The following VSIG10L variants were observed in gnomAD, a reference collection of about 807,000 sequenced individuals.
VSIG10L encodes the protein V-set and immunoglobulin domain-containing protein 10-like.
A neutral mutation model predicts 67.3 loss-of-function variants in VSIG10L; 63 were observed. The ratio of observed to expected loss-of-function variants is 0.94; its 90% confidence interval spans 0.76 to 1.15. The LOEUF is 1.15. VSIG10L is among the 50% of genes most tolerant of loss of function. The pLI, the probability that VSIG10L is intolerant of heterozygous loss-of-function variation, is 0.00. For missense variants in VSIG10L, 1,050 were observed against 1,177.5 expected (o/e 0.89, Z 1.58); for synonymous variants, 499 against 524.9 (o/e 0.95, Z 0.67).
Position 51,337,291 on chromosome 19 carries a change from G to A in VSIG10L, c.2252C>T (p.Pro751Leu), listed in dbSNP as rs1216079107. ...AGTCCCTGGCTGGCCCCCCAGGATG[G>A]GCAGGATCCGAAAGGTCCAGGTCCC... ...NPGTWTFRIL[P>L]ILGGQPGTPS... Residue 751 changes from proline (P) to leucine (L), a missense_variant, in exon 7 of 10, where the codon CCC (proline) becomes CTC (leucine). Pro to Leu is a moderately conservative substitution (Grantham distance 98, BLOSUM62 -3). Transcript: ENST00000335624. 4 of 1,551,196 alleles carry A rather than the reference G, an allele frequency of 2.6e-6. No homozygotes were observed. The highest frequency in any genetic ancestry group is 8.7e-7 in the Non-Finnish European group (1 of 1,146,798).
intron 4 of VSIG10L, chr19:51,339,516 C>T (rs1985571219): frequency 4.0e-6 from 1 of 251,378 alleles, no homozygotes; most frequent in African/African-American, 2.2e-5. Context: ...TTGTGGACCC[C>T]TTCCCCTTTC....
Position 51,331,662 on chromosome 19 carries a change from A to G in VSIG10L, c.*949T>C, listed in dbSNP as rs1239350077. 6.6e-6 allele frequency: 1 copy of G among 152,240 alleles called. No individual in the cohort carries two copies. The highest frequency in any genetic ancestry group is 2.4e-5 in the African/African-American group (1 of 41,456). 9.4% of individuals were successfully genotyped at this position (152,240 alleles called of 1,614,324 possible). A position where few individuals can be genotyped will look rare whatever the true frequency, so the allele number is the denominator to read the frequency against. On this transcript the variant is annotated 3_prime_UTR_variant, in exon 10 of 10. Transcript: ENST00000335624. ...ACTTACGCTGAAGACAGCAGCAGCA[A>G]GCCCAACTCTTCACTGGCACCAAAA... is the stretch of plus-strand genomic sequence containing the variant.
chr19:51,339,395 G>T (rs1010803730), intron 4 of VSIG10L, among the ~76,000 whole-genome samples: 2 of 151,970 alleles, frequency 1.3e-5, no homozygotes, highest in Non-Finnish European at 2.9e-5. Context: ...CTTCCCAAAC[G>T]TAACTCAGCC....
chr19:51,333,713 A>G, intron 9 of VSIG10L, 78 bp downstream of exon 9: 1 of 1,423,782 alleles, frequency 7.0e-7, no homozygotes. Flanking sequence ...TAGATAATTG[A>G]GACCCTCTCA....
chr19:51,340,730 G>A lies in VSIG10L; in HGVS notation c.896-4C>T. The A allele has an allele frequency of 6.7e-7, 1 of 1,485,424 alleles. No homozygotes were observed. Among genetic ancestry groups the A allele is most frequent in the Non-Finnish European group, 8.9e-7 (1 of 1,120,612 alleles). 92.0% of individuals were successfully genotyped at this position (1,485,424 alleles called of 1,614,324 possible). ...ACCGACAGCTGGGGTAGGGGCTCTG[G>A]GAGAGGGAGAATGGGCTCAGGACCC... On this transcript the variant is annotated splice_polypyrimidine_tract_variant and splice_region_variant and intron_variant, in intron 2 of 9. Transcript: ENST00000335624. This position sits in a 1 kb window ranked among gnomAD's most constrained non-coding sequence, Gnocchi z 6.3.
In VSIG10L at chr19:51,340,824, G is replaced by A. The variant is rs945302764; in HGVS notation, c.896-98C>T. Reference sequence around the variant, plus strand: ...CAGCCGCTGCTCCCTCTAAGCCCCTGGAGTCTCAGCCCCCATCCCTCTCCT... The same window carrying A: ...CAGCCGCTGCTCCCTCTAAGCCCCTAGAGTCTCAGCCCCCATCCCTCTCCT... On this transcript the variant is annotated intron_variant, in intron 2 of 9. Coordinates refer to ENST00000335624, the MANE Select transcript of VSIG10L (RefSeq NM_001163922.3). The surrounding 1 kb of genome is among the most constrained non-coding windows in gnomAD (Gnocchi z 6.3). 9.7e-6 allele frequency: 13 copies of A among 1,339,410 alleles called. No individual in the cohort carries two copies. The African/African-American group carries it at 1.5e-4, about 15-fold the overall frequency. The allele number at this position is 1,339,410 out of a possible 1,614,324, so 83.0% of individuals were successfully genotyped here. A position where few individuals can be genotyped will look rare whatever the true frequency, so the allele number is the denominator to read the frequency against.
At chr19:51,335,646 C>T (rs1015652405) in intron 7 of VSIG10L, among the ~76,000 whole-genome samples, 13 of 152,198 alleles carry the variant, frequency 8.5e-5, no homozygotes, top group African/African-American at 2.2e-4. Context: ...TCTTGACTCA[C>T]GCCTGTAATC....
At chr19:51,335,273 G>A (rs764222074) in intron 7 of VSIG10L, among the ~76,000 whole-genome samples, 1 of 152,130 alleles carries the variant, frequency 6.6e-6, no homozygotes, top group Admixed American at 6.6e-5. Flanking sequence ...ATTAATGGAC[G>A]GCTTTTATGT....
At position 51,341,244 on chromosome 19, in the gene VSIG10L, AG is replaced by A; in HGVS notation, c.803del (p.Ser268LeufsTer67). 6.4e-7 allele frequency: 1 copy of A among 1,550,928 alleles called. No individual in the cohort carries two copies. Among genetic ancestry groups the A allele is most frequent in the Non-Finnish European group, 8.7e-7 (1 of 1,146,920 alleles). Reference protein sequence around the residue: ...DQARGVLELASAQLDDAGVYT... With the variant: ...DQARGVLELAXAQLDDAGVYT... ...AGACCCCTGCATCGTCCAGCTGGGC[AG>A]AGGCGAGCTCCAGAACCCCCCGGGC... On this transcript the variant is annotated frameshift_variant, in exon 2 of 10. Coordinates refer to ENST00000335624, the MANE Select transcript of VSIG10L (RefSeq NM_001163922.3). LOFTEE classifies it high-confidence loss of function.
intron 8 of VSIG10L, 92 bp from the exon 9 acceptor site, chr19:51,334,037 C>A: frequency 6.6e-7 from 1 of 1,521,546 alleles, no homozygotes; most frequent in Non-Finnish European, 8.9e-7. Flanking sequence ...GTTGGAGAGG[C>A]GGAGCCTTAT....
In VSIG10L at chr19:51,342,043, C is replaced by T. The variant is rs1599835866; in HGVS notation, c.41-36G>A. The T allele has an allele frequency of 6.4e-7, 1 of 1,551,710 alleles. No individual in the cohort carries two copies. Among genetic ancestry groups the T allele is most frequent in the East Asian group, 2.4e-5 (1 of 40,908 alleles). On this transcript the variant is annotated intron_variant, in intron 1 of 9. Transcript: ENST00000335624. This position sits in a 1 kb window ranked among gnomAD's most constrained non-coding sequence, Gnocchi z 4.4. Reference sequence around the variant, plus strand: ...GAGAGGAAGGCATTGGGGGAGGCTGCTGAGGGAGACTGACAGGGAAGGGAC... The same window carrying T: ...GAGAGGAAGGCATTGGGGGAGGCTGTTGAGGGAGACTGACAGGGAAGGGAC...
At chr19:51,334,353 G>A (rs1191425267) in intron 7 of VSIG10L, 49 bp from the exon 8 acceptor site, 1 of 1,515,168 alleles carries the variant, frequency 6.6e-7, no homozygotes, top group African/African-American at 1.4e-5. Context: ...AACCAAGGTT[G>A]GACCCAAGTT....
intron 6 of VSIG10L, 146 bp downstream of exon 6, chr19:51,337,784 T>G: frequency 2.7e-6 from 3 of 1,121,588 alleles, no homozygotes; most frequent in Non-Finnish European, 3.7e-6. Flanking sequence ...GGCTGAGGCC[T>G]GGACTCCAGG....
In VSIG10L at chr19:51,333,801, C is replaced by T. The variant is rs1383746302; in HGVS notation, c.2564G>A (p.Arg855Lys). Residue 855 changes from arginine to lysine, a missense_variant, in exon 9 of 10, where the codon AGG (arginine) becomes AAG (lysine). Physicochemically the swap from Arg to Lys is conservative, Grantham distance 26 (BLOSUM62 2). Transcript: ENST00000335624. The stretch of plus-strand genomic sequence containing the variant: ...GGCACCCACACTCACTTGGTAGGCC[C>T]TAGTTGAGCTGTGGTCCTCCAGAGG... ...KVPLEDHSST[R>K]AYQAQTPVQL... is the part of the protein sequence containing the mutation. 1 of 1,548,870 alleles carries T rather than the reference C, an allele frequency of 6.5e-7. No individual in the cohort carries two copies. Among genetic ancestry groups the T allele is most frequent in the East Asian group, 2.4e-5 (1 of 40,908 alleles).
chr19:51,338,016 T>A lies in VSIG10L; in HGVS notation c.1922A>T (p.Asn641Ile). ...SQDGRKLHIG[N>I]FSLDWDLGNY... ...TCCCAGGTCCCAATCCAGGCTGAAG[T>A]TGCCGATGTGGAGTTTCCGCCCATC... The change falls in exon 6 of 10, where the codon AAC becomes ATC. Residue 641 changes from asparagine to isoleucine, a missense_variant. By Grantham distance (149) the Asn-to-Ile change is moderately radical. This residue lies in a region of VSIG10L where 529 missense variants were observed against 584.9 expected (regional missense o/e 0.90). Transcript: ENST00000335624. The A allele has an allele frequency of 6.4e-7, 1 of 1,551,672 alleles. No homozygotes were observed. The highest frequency in any genetic ancestry group is 8.7e-7 in the Non-Finnish European group (1 of 1,146,966).
chr19:51,341,322 T>C lies in VSIG10L; in HGVS notation c.726A>G (p.Ala242=), dbSNP rs976995016. ...VLAAGGLGPG[A]PLISLDPAHR... ...GAGCAGGGTCCAGGCTGATCAGAGG[T>C]GCCCCTGGCCCCAGGCCCCCAGCTG... The change falls in exon 2 of 10, where the codon GCA becomes GCG. Residue 242 remains alanine (A), a synonymous_variant. Coordinates refer to ENST00000335624, the MANE Select transcript of VSIG10L (RefSeq NM_001163922.3). 7 of 1,543,238 alleles carry C rather than the reference T, an allele frequency of 4.5e-6. No homozygotes were observed. The highest frequency in any genetic ancestry group is 6.1e-6 in the Non-Finnish European group (7 of 1,146,610).
At chr19:51,336,776 T>TG (rs1474203557) in intron 7 of VSIG10L, among the ~76,000 whole-genome samples, 2 of 136,308 alleles carry the variant, frequency 1.5e-5, no homozygotes, top group African/African-American at 6.0e-5. Context: ...TTTTTTTTTT[T>TG]TTTTTTTTTG....
In VSIG10L at chr19:51,339,062, C is replaced by G. The variant is rs1297767995; in HGVS notation, c.1555G>C (p.Gly519Arg). 7.5e-7 allele frequency: 1 copy of G among 1,337,252 alleles called. No homozygotes were observed. The highest frequency in any genetic ancestry group is 3.9e-5 in the Admixed American group (1 of 25,460). The allele number at this position is 1,337,252 out of a possible 1,614,324, so 82.8% of individuals were successfully genotyped here. A position where few individuals can be genotyped will look rare whatever the true frequency, so the allele number is the denominator to read the frequency against. Residue 519 changes from glycine to arginine, a missense_variant, in exon 5 of 10, where the codon GGC (glycine) becomes CGC (arginine). Around this residue, in one of 3 missense-constraint regions of VSIG10L, gnomAD observed 529 missense variants for 584.9 expected, o/e 0.90. Coordinates refer to ENST00000335624, the MANE Select transcript of VSIG10L (RefSeq NM_001163922.3). ...TGCAGGGAGGCAGCAGGGGCCCCGC[C>G]GGGCCACGAGCAGCGGAAGCGGAGG... ...RSLRFRCSWP[G>R]GAPAASLQFQ...
chr19:51,332,176 T>A lies in VSIG10L; in HGVS notation c.*435A>T. 4.1e-6 allele frequency: 1 copy of A among 243,586 alleles called. No individual in the cohort carries two copies. The highest frequency in any genetic ancestry group is 8.3e-6 in the Non-Finnish European group (1 of 120,588). The allele number at this position is 243,586 out of a possible 1,614,324, so 15.1% of individuals were successfully genotyped here. On this transcript the variant is annotated 3_prime_UTR_variant, in exon 10 of 10. Coordinates refer to ENST00000335624, the MANE Select transcript of VSIG10L (RefSeq NM_001163922.3). ...CCGTAGAAGCGTTTAAAGAGAAGAG[T>A]GACATGATCTGATCTGTTTTAAGAT...
Sources: gnomAD v4.1 joint callset for allele counts (sites outside exome capture counted in the v4.1 genomes callset) on GRCh38, gnomAD v4.1.1 for gene constraint, gnomAD v4.1.1 regional missense constraint, Gnocchi (gnomAD v3.1) non-coding constraint, MANE v1.5 for transcripts, NCBI Gene and HGNC (gene_info 2026-07-23, HGNC 2026-07-21) for gene names.